The following PRSS23 variants were observed in gnomAD, a reference collection of about 807,000 sequenced individuals.
The protein encoded by PRSS23 is serine protease 23, also known as protease, serine 23.
A neutral mutation model predicts 34.7 loss-of-function variants in PRSS23; 25 were observed. The ratio of observed to expected loss-of-function variants is 0.72; its 90% CI spans 0.53 to 1.01. The LOEUF is 1.01. Among genes scored for constraint, PRSS23 ranks in the 50% least tolerant of loss-of-function variants. PRSS23 has a pLI of 0.00. For missense variants in PRSS23, 445 were observed against 475.6 expected (o/e 0.94, Z 0.60); for synonymous variants, 176 against 186.6 (o/e 0.94, Z 0.46).
At chr11:86,948,509 G>C (rs908465614) in intron 2 of PRSS23, 3 of 152,152 alleles carry the variant, frequency 2.0e-5, no homozygotes, top group Non-Finnish European at 2.9e-5. Flanking sequence ...CCATTGTCTG[G>C]AATGTGAAAG....
chr11:86,863,836 A>G (rs1342359853), intron 2 of PRSS23, among the ~76,000 whole-genome samples: 2 of 152,238 alleles, frequency 1.3e-5, no homozygotes, highest in East Asian at 3.8e-4. Flanking sequence ...ATCCAAATTT[A>G]ATTCTGTATT....
intron 2 of PRSS23, among the ~76,000 whole-genome samples, chr11:86,839,635 C>G (rs12800988): frequency 1.1e-3 from 169 of 151,996 alleles, no homozygotes; most frequent in Non-Finnish European, 1.9e-3. Flanking sequence ...AGAGCAACCC[C>G]AAGACACATA....
chr11:86,820,675 T>A (rs187490406), intron 1 of PRSS23, among the ~76,000 whole-genome samples: 1 of 152,240 alleles, frequency 6.6e-6, no homozygotes, highest in Non-Finnish European at 1.5e-5. Context: ...TTATCTCATT[T>A]GAGGAAAGTT....
At chr11:86,857,521 A>C (rs561474587) in intron 2 of PRSS23, 13 of 459,474 alleles carry the variant, frequency 2.8e-5, no homozygotes, top group South Asian at 2.1e-4. Context: ...TGTGTAACAC[A>C]ATCCAGCTGT....
At chr11:86,856,120 G>A (rs926536632) in intron 2 of PRSS23, among the ~76,000 whole-genome samples, 1 of 152,242 alleles carries the variant, frequency 6.6e-6, no homozygotes, top group South Asian at 2.1e-4. Flanking sequence ...CAATCAATGT[G>A]TGTATAAATC....
At chr11:86,797,694 T>C (rs367684526), upstream of PRSS23, among the ~76,000 whole-genome samples, 4 of 152,146 alleles carry the variant, frequency 2.6e-5, no homozygotes, top group African/African-American at 9.7e-5. Context: ...CTGACTGAGG[T>C]GGTACTGGAG....
intron 1 of PRSS23, among the ~76,000 whole-genome samples, chr11:86,807,202 T>TA (rs1948111085): frequency 6.6e-6 from 1 of 152,008 alleles, no homozygotes; most frequent in Non-Finnish European, 1.5e-5. Context: ...AAGTACATGT[T>TA]ACAATGAGAA....
At chr11:86,831,238 G>A (rs1948352933) in intron 2 of PRSS23, among the ~76,000 whole-genome samples, 1 of 152,040 alleles carries the variant, frequency 6.6e-6, no homozygotes, top group African/African-American at 2.4e-5. Flanking sequence ...TACTCCTAAT[G>A]TCATAGCGGG....
intron 2 of PRSS23, among the ~76,000 whole-genome samples, chr11:86,893,011 T>C (rs1400743224): frequency 6.6e-6 from 1 of 152,194 alleles, no homozygotes; most frequent in Non-Finnish European, 1.5e-5. Context: ...AAGATCAAGA[T>C]AAGATCACAA....
intron 2 of PRSS23, among the ~76,000 whole-genome samples, chr11:86,843,797 A>G (rs1948466162): frequency 6.6e-6 from 1 of 152,220 alleles, no homozygotes; most frequent in Non-Finnish European, 1.5e-5. Context: ...AGAAATAGGA[A>G]CACTTTCACA....
At chr11:86,835,676 G>A (rs1440081349) in intron 2 of PRSS23, among the ~76,000 whole-genome samples, 1 of 152,190 alleles carries the variant, frequency 6.6e-6, no homozygotes, top group African/African-American at 2.4e-5. Context: ...GATTAAGCCA[G>A]TATAGGCTGG....
At chr11:86,849,531 C>G (rs1369247766) in intron 2 of PRSS23, among the ~76,000 whole-genome samples, 1 of 152,158 alleles carries the variant, frequency 6.6e-6, no homozygotes, top group Non-Finnish European at 1.5e-5. Context: ...ACCACTTTTC[C>G]TTATCAAACG....
intron 2 of PRSS23, chr11:86,934,398 A>G (rs1286551338): frequency 6.6e-6 from 1 of 151,338 alleles, no homozygotes; most frequent in East Asian, 1.9e-4. Context: ...TCTTTTTTCT[A>G]CATTTTCACC....
At chr11:86,800,801 T>G in intron 1 of PRSS23, 150 bp downstream of exon 1, 1 of 288,148 alleles carries the variant, frequency 3.5e-6, no homozygotes, top group Non-Finnish European at 5.2e-6. Flanking sequence ...GTCCTCGGGG[T>G]TCCAGGACAC....
intron 2 of PRSS23, among the ~76,000 whole-genome samples, chr11:86,944,402 G>C (rs1350807635): frequency 6.6e-6 from 1 of 151,906 alleles, no homozygotes; most frequent in Non-Finnish European, 1.5e-5. Flanking sequence ...AAGATTAGAG[G>C]GACACCATGC....
chr11:86,882,362 C>G (rs1170829851), intron 2 of PRSS23, among the ~76,000 whole-genome samples: 1 of 152,198 alleles, frequency 6.6e-6, no homozygotes, highest in Non-Finnish European at 1.5e-5. Flanking sequence ...TCCTCCCACT[C>G]TCCACCTTCT....
intron 2 of PRSS23, among the ~76,000 whole-genome samples, chr11:86,869,828 T>G (rs914628016): frequency 6.6e-6 from 1 of 152,218 alleles, no homozygotes; most frequent in Non-Finnish European, 1.5e-5. Context: ...TCCTAGATTA[T>G]GAGCACTTTG....
chr11:86,798,390 T>TA (rs1337912682), upstream of PRSS23, among the ~76,000 whole-genome samples: 1 of 152,098 alleles, frequency 6.6e-6, no homozygotes, highest in African/African-American at 2.4e-5. Flanking sequence ...AATAATGTAT[T>TA]AGAGTCAAGA....
intron 2 of PRSS23, chr11:86,925,099 A>G (rs900499929): frequency 5.3e-5 from 8 of 152,232 alleles, no homozygotes; most frequent in Non-Finnish European, 1.0e-4. Flanking sequence ...GACAAGGAGC[A>G]TGTTGCATTT....
Sources: allele counts gnomAD v4.1 joint callset (sites outside exome capture counted in the v4.1 genomes callset), GRCh38; gene constraint gnomAD v4.1.1; transcripts MANE v1.5; gene names NCBI Gene and HGNC (gene_info 2026-07-23, HGNC 2026-07-21).